PSD2: variants seen among roughly 807,000 people sequenced by gnomAD.
PSD2 encodes the protein pleckstrin and Sec7 domain containing 2.
A neutral mutation model predicts 69.8 loss-of-function variants in PSD2; 38 were observed. That is an observed-to-expected ratio of 0.54 (90% CI 0.42 to 0.71). PSD2 has a LOEUF of 0.71. Ranked by LOEUF, PSD2 falls within the 30% of genes least tolerant of loss-of-function variation. PSD2 has a pLI of 0.00. For synonymous variants in PSD2, 412 were observed against 423.0 expected (o/e 0.97, Z 0.32); for missense variants, 943 against 1,014.5 (o/e 0.93, Z 0.96).
the PSD2 span, among the ~76,000 whole-genome samples, chr5:139,746,471 G>A: frequency 6.6e-6 from 1 of 152,312 alleles, no homozygotes; most frequent in East Asian, 1.9e-4. The surrounding 1 kb of genome is among the most constrained non-coding windows in gnomAD (Gnocchi z 4.5). Context: ...ACCTGGGCCC[G>A]CCGAATGGGA....
chr5:139,745,744 G>A, the PSD2 span, among the ~76,000 whole-genome samples: 1 of 152,210 alleles, frequency 6.6e-6, no homozygotes, highest in African/African-American at 2.4e-5. Flanking sequence ...CCCCCGCCTG[G>A]GGGTCTCCTG....
chr5:139,814,389 A>C lies in PSD2; in HGVS notation c.1016+25A>C. 6.4e-7 allele frequency: 1 copy of C among 1,557,866 alleles called. No individual in the cohort carries two copies. Among genetic ancestry groups the C allele is most frequent in the East Asian group, 2.3e-5 (1 of 42,824 alleles). Reference sequence around the variant, plus strand: ...AGTGAGTGTGAGCTCCCCTGCCCCCAACCCTGGGCAAACCTCGTGTCTTCC... The same window carrying C: ...AGTGAGTGTGAGCTCCCCTGCCCCCCACCCTGGGCAAACCTCGTGTCTTCC... On this transcript the variant is annotated intron_variant, in intron 4 of 14. Coordinates refer to ENST00000274710, the MANE Select transcript of PSD2 (RefSeq NM_032289.4). The surrounding 1 kb of genome is among the most constrained non-coding windows in gnomAD (Gnocchi z 4.4).
intron 5 of PSD2, 45 bp downstream of exon 5, chr5:139,817,606 G>A: frequency 1.4e-6 from 2 of 1,465,396 alleles, no homozygotes; most frequent in Non-Finnish European, 1.9e-6. Flanking sequence ...GGTACAGGCT[G>A]CACTTCTGGA....
intron 1 of PSD2, among the ~76,000 whole-genome samples, chr5:139,799,460 G>C (rs375088679): frequency 1.3e-5 from 2 of 152,212 alleles, no homozygotes; most frequent in African/African-American, 4.8e-5. Flanking sequence ...GGGCATGGGG[G>C]CCAGACAGGA....
the PSD2 span, among the ~76,000 whole-genome samples, chr5:139,746,470 C>G: frequency 1.3e-5 from 2 of 152,212 alleles, no homozygotes; most frequent in Non-Finnish European, 2.9e-5. The surrounding 1 kb of genome is among the most constrained non-coding windows in gnomAD (Gnocchi z 4.5). Flanking sequence ...TACCTGGGCC[C>G]GCCGAATGGG....
chr5:139,788,413 C>T, the PSD2 span, among the ~76,000 whole-genome samples: 2 of 151,884 alleles, frequency 1.3e-5, no homozygotes, highest in Non-Finnish European at 2.9e-5. Flanking sequence ...CCGCGCGCCC[C>T]GCTCCCTGGG....
At chr5:139,817,973 A>G (rs1433699508) in intron 5 of PSD2, among the ~76,000 whole-genome samples, 6 of 152,202 alleles carry the variant, frequency 3.9e-5, no homozygotes, top group Admixed American at 3.3e-4. Context: ...CAGTCATCGA[A>G]GGAGGAGATG....
In PSD2 at chr5:139,813,770, C is replaced by T. The variant is rs376803824; in HGVS notation, c.821+12C>T. 6 of 1,585,990 alleles carry T rather than the reference C, an allele frequency of 3.8e-6. No homozygotes were observed. Among genetic ancestry groups the T allele is most frequent in the Non-Finnish European group, 5.2e-6 (6 of 1,164,394 alleles). On this transcript the variant is annotated intron_variant, in intron 3 of 14. Transcript: ENST00000274710. The stretch of plus-strand genomic sequence containing the variant: ...CTGAACTCAGCCAGGTGAGGCAGGG[C>T]CCAGGCTGGGAGAACCACCGAGCAG...
the PSD2 span, among the ~76,000 whole-genome samples, chr5:139,778,951 A>G: frequency 1.3e-5 from 2 of 151,726 alleles, no homozygotes; most frequent in Admixed American, 1.3e-4. Flanking sequence ...AAAACAAAAA[A>G]AAAAAAAAAA....
intron 7 of PSD2, among the ~76,000 whole-genome samples, chr5:139,829,058 A>G (rs1359179494): frequency 6.6e-6 from 1 of 152,208 alleles, no homozygotes; most frequent in African/African-American, 2.4e-5. Flanking sequence ...AGAGGCCCCA[A>G]ATCGTGGACC....
At chr5:139,750,293 C>T in the PSD2 span, among the ~76,000 whole-genome samples, 1 of 152,144 alleles carries the variant, frequency 6.6e-6, no homozygotes, top group Non-Finnish European at 1.5e-5. Flanking sequence ...CCACTGCACT[C>T]CAGCCTGGGC....
At chr5:139,808,068 C>T (rs1246340811) in intron 1 of PSD2, among the ~76,000 whole-genome samples, 3 of 152,230 alleles carry the variant, frequency 2.0e-5, no homozygotes, top group Non-Finnish European at 4.4e-5. Context: ...GCCAGTGCCT[C>T]TCTTGAACCC....
At chr5:139,836,046 G>A (rs1760709410) in intron 9 of PSD2, among the ~76,000 whole-genome samples, 1 of 152,252 alleles carries the variant, frequency 6.6e-6, no homozygotes, top group East Asian at 1.9e-4. Flanking sequence ...TATGGGGATA[G>A]TGTTCCAATT....
At chr5:139,774,589 C>T in the PSD2 span, among the ~76,000 whole-genome samples, 1 of 152,168 alleles carries the variant, frequency 6.6e-6, no homozygotes, top group Admixed American at 6.5e-5. Context: ...CTCCTGAGTT[C>T]AAGCGATTCT....
chr5:139,778,720 T>C, the PSD2 span, among the ~76,000 whole-genome samples: 1 of 151,330 alleles, frequency 6.6e-6, no homozygotes, highest in Non-Finnish European at 1.5e-5. Context: ...GCCCAGGAGG[T>C]TGAGATCAGC....
At position 139,837,885 on chromosome 5, in the gene PSD2, T is replaced by G; in HGVS notation, c.1823+103T>G. 3.5e-6 allele frequency: 4 copies of G among 1,144,690 alleles called. No individual in the cohort carries two copies. Among genetic ancestry groups the G allele is most frequent in the African/African-American group, 1.5e-5 (1 of 64,546 alleles). The allele number at this position is 1,144,690 out of a possible 1,614,324, so 70.9% of individuals were successfully genotyped here. ...CCGTGAGTCAGCAACAGAGCATGTG[T>G]ATCCACATGACACAGACCGACAGCT... On this transcript the variant is annotated intron_variant, in intron 12 of 14. Transcript: ENST00000274710. The surrounding 1 kb of genome is among the most constrained non-coding windows in gnomAD (Gnocchi z 5.0).
chr5:139,766,971 T>TTCTA, the PSD2 span, among the ~76,000 whole-genome samples: 3 of 144,810 alleles, frequency 2.1e-5, no homozygotes, highest in Non-Finnish European at 3.0e-5. Context: ...CTTTCTTTCT[T>TTCTA]TCTTTCTTTC....
intron 1 of PSD2, among the ~76,000 whole-genome samples, chr5:139,799,648 G>C (rs1333259611): frequency 6.6e-6 from 1 of 152,170 alleles, no homozygotes; most frequent in Non-Finnish European, 1.5e-5. Context: ...ATGGGAAAGA[G>C]ACCAGCCAGG....
chr5:139,772,949 A>T, the PSD2 span: 2 of 152,224 alleles, frequency 1.3e-5, no homozygotes, highest in Non-Finnish European at 2.9e-5. Flanking sequence ...AGATACAGGT[A>T]CTGTTCTTAT....
Sources: allele counts gnomAD v4.1 joint callset (sites outside exome capture counted in the v4.1 genomes callset), GRCh38; gene constraint gnomAD v4.1.1; non-coding constraint Gnocchi (gnomAD v3.1); transcripts MANE v1.5; gene names NCBI Gene and HGNC (gene_info 2026-07-23, HGNC 2026-07-21).